Variants in NCKAP5 observed in about 807,000 individuals in gnomAD.
The protein encoded by NCKAP5 is nck-associated protein 5.
A neutral mutation model predicts 167.0 loss-of-function variants in NCKAP5; 92 were observed. The observed-to-expected ratio is 0.55, with a 90% confidence interval of 0.47 to 0.66. The LOEUF is 0.66. Ranked by LOEUF, NCKAP5 falls within the 30% of genes least tolerant of loss-of-function variation. The probability of loss-of-function intolerance (pLI) is 0.00; values close to 1 mark genes in which losing one functional copy is unlikely to be tolerated. For synonymous variants in NCKAP5, 891 were observed against 877.4 expected (o/e 1.02, Z -0.27); for missense variants, 2,378 against 2,315.0 (o/e 1.03, Z -0.56).
chr2:132,716,592 G>A (rs1689392932), intron 19 of NCKAP5, among the ~76,000 whole-genome samples: 1 of 151,882 alleles, frequency 6.6e-6, no homozygotes, highest in South Asian at 2.1e-4. Flanking sequence ...GGTAACACTG[G>A]GGGTTCGGTG....
rs547778191 is a variant in NCKAP5, at chr2:132,919,221, G to A, written c.580-40305C>T. On this transcript the variant is annotated intron_variant, in intron 8 of 19. Coordinates refer to ENST00000409261, the MANE Select transcript of NCKAP5 (RefSeq NM_207363.3). ...CAGCCTTCTTGGTCTGGGGGATGGA[G>A]AAGGGAAAGAAAAATGCACTTTCAG... Among the ~76,000 whole-genome samples the A allele has an allele frequency of 6.6e-5, 10 of 152,316 alleles. 1 individual carries two copies. In the East Asian group the frequency reaches 1.4e-3, roughly 21 times the overall value.
chr2:133,495,501 C>T (rs990968714), intron 3 of NCKAP5, among the ~76,000 whole-genome samples: 1 of 152,208 alleles, frequency 6.6e-6, no homozygotes, highest in African/African-American at 2.4e-5. Flanking sequence ...CAGCCATTAC[C>T]TCCCTCAAAC....
intron 19 of NCKAP5, among the ~76,000 whole-genome samples, chr2:132,712,637 GTGAGATT>G: frequency 1.3e-5 from 2 of 152,012 alleles, no homozygotes; most frequent in Non-Finnish European, 2.9e-5. Flanking sequence ...GGGCAACAGA[GTGAGATT>G]CTGTCTCAAA....
At position 132,782,783 on chromosome 2, in the gene NCKAP5, C is replaced by T; in HGVS notation, c.4028G>A (p.Gly1343Glu). The T allele has an allele frequency of 6.2e-7, 1 of 1,613,844 alleles. No individual in the cohort carries two copies. Among genetic ancestry groups the T allele is most frequent in the South Asian group, 1.1e-5 (1 of 91,066 alleles). The part of the protein sequence containing the change: ...ESLPSVGRPS[G>E]HPSSGKGSLG... The stretch of plus-strand genomic sequence containing the variant: ...GGAGCCCTTCCCGGAGGAGGGGTGC[C>T]CCGAGGGCCTCCCAACACTGGGGAG... The change falls in exon 14 of 20, where the codon GGG becomes GAG. Residue 1343 changes from glycine to glutamate, a missense_variant. This residue lies in a region of NCKAP5 where 1,325 missense variants were observed against 1,274.5 expected (regional missense o/e 1.04). Coordinates refer to ENST00000409261, the MANE Select transcript of NCKAP5 (RefSeq NM_207363.3).
chr2:133,180,876 A>C (rs191500004), intron 5 of NCKAP5, among the ~76,000 whole-genome samples: 280 of 152,306 alleles, frequency 1.8e-3, no homozygotes, highest in Middle Eastern at 6.8e-3. Context: ...AACAATGAAC[A>C]AAATTAAAAG....
At chr2:132,805,245 A>C (rs537504649) in intron 11 of NCKAP5, among the ~76,000 whole-genome samples, 4 of 152,268 alleles carry the variant, frequency 2.6e-5, no homozygotes, top group African/African-American at 7.2e-5. Flanking sequence ...TTGCAAGTGA[A>C]AAAACTGACA....
chr2:133,401,777 C>T (rs1420416942), intron 3 of NCKAP5, among the ~76,000 whole-genome samples: 1 of 152,202 alleles, frequency 6.6e-6, no homozygotes, highest in Admixed American at 6.5e-5. Context: ...AACCTGGGCT[C>T]TCATAATAAC....
At chr2:132,787,829 G>A (rs1386885649) in intron 13 of NCKAP5, among the ~76,000 whole-genome samples, 1 of 152,154 alleles carries the variant, frequency 6.6e-6, no homozygotes, top group Non-Finnish European at 1.5e-5. Flanking sequence ...GATCCTGATA[G>A]TCATGTTGAC....
chr2:132,811,317 G>C (rs766471721), intron 11 of NCKAP5, among the ~76,000 whole-genome samples: 37 of 152,122 alleles, frequency 2.4e-4, no homozygotes, highest in Admixed American at 4.6e-4. Context: ...CTGTGGGCGG[G>C]GCCCTAGAGC....
chr2:133,051,208 G>C (rs1186857488), intron 6 of NCKAP5, among the ~76,000 whole-genome samples: 1 of 152,106 alleles, frequency 6.6e-6, no homozygotes, highest in African/African-American at 2.4e-5. Context: ...AGAGACTACT[G>C]CTGATCTGGG....
At chr2:132,891,210 G>C (rs1056416283) in intron 8 of NCKAP5, among the ~76,000 whole-genome samples, 1 of 152,174 alleles carries the variant, frequency 6.6e-6, no homozygotes, top group African/African-American at 2.4e-5. Context: ...ACTTGAGTGT[G>C]CATTGGAATC....
intron 19 of NCKAP5, among the ~76,000 whole-genome samples, chr2:132,704,677 C>A (rs149117879): frequency 2.6e-5 from 4 of 152,188 alleles, no homozygotes; most frequent in African/African-American, 9.7e-5. Flanking sequence ...TTCGTGTCCA[C>A]ATTTCCATTC....
Position 132,796,720 on chromosome 2 carries a change from A to C in NCKAP5, c.817T>G (p.Ser273Ala). Residue 273 changes from serine (S) to alanine (A), a missense_variant, in exon 12 of 20, where the codon TCA (serine) becomes GCA (alanine). By Grantham distance (99) the Ser-to-Ala change is moderately conservative. Around this residue, in one of 3 missense-constraint regions of NCKAP5, gnomAD observed 1,049 missense variants for 1,023.4 expected, o/e 1.02. Transcript: ENST00000409261. ...CCAGATGAAAGATCCAAGAGACGTGAGTGAAGTTTCTAGGTAAAACCAAGC... is the reference window on the plus strand; with the variant it reads ...CCAGATGAAAGATCCAAGAGACGTGCGTGAAGTTTCTAGGTAAAACCAAGC... ...TSDLLLQKLH[S>A]RLLDLSSGDL... The C allele has an allele frequency of 6.2e-7, 1 of 1,610,632 alleles. No individual in the cohort carries two copies. Among genetic ancestry groups the C allele is most frequent in the Non-Finnish European group, 8.5e-7 (1 of 1,177,588 alleles).
chr2:133,623,399 A>G, the NCKAP5 span, among the ~76,000 whole-genome samples: 1 of 152,200 alleles, frequency 6.6e-6, no homozygotes, highest in Non-Finnish European at 1.5e-5. Flanking sequence ...CAATCTATAC[A>G]CCTGACAAAG....
chr2:133,446,850 A>C (rs1016995052), intron 3 of NCKAP5, among the ~76,000 whole-genome samples: 23 of 152,294 alleles, frequency 1.5e-4, no homozygotes, highest in Middle Eastern at 3.4e-3. Context: ...AAAGGGAGAA[A>C]GGATGAGAAA....
At chr2:132,699,851 G>A (rs1283145607) in intron 19 of NCKAP5, among the ~76,000 whole-genome samples, 1 of 152,172 alleles carries the variant, frequency 6.6e-6, no homozygotes, top group African/African-American at 2.4e-5. Context: ...ACCCAGTAAT[G>A]GGATGGCTGG....
chr2:133,516,623 G>C (rs955792927), intron 3 of NCKAP5, among the ~76,000 whole-genome samples: 4 of 152,270 alleles, frequency 2.6e-5, no homozygotes, highest in African/African-American at 9.6e-5. Context: ...AAGGTATAAC[G>C]GATAAATCAA....
intron 3 of NCKAP5, among the ~76,000 whole-genome samples, chr2:133,353,799 G>C (rs1275486723): frequency 6.6e-6 from 1 of 152,066 alleles, no homozygotes; most frequent in African/African-American, 2.4e-5. Flanking sequence ...CAAACTCCTG[G>C]GGAAGATCAT....
intron 4 of NCKAP5, among the ~76,000 whole-genome samples, chr2:133,258,568 AC>A (rs1277734935): frequency 3.3e-5 from 5 of 151,894 alleles, no homozygotes; most frequent in African/African-American, 1.2e-4. Flanking sequence ...ACATGGCAAA[AC>A]CCCGTCTCTA....
Sources: allele counts gnomAD v4.1 joint callset (sites outside exome capture counted in the v4.1 genomes callset), GRCh38; gene constraint gnomAD v4.1.1; regional missense constraint gnomAD v4.1.1; transcripts MANE v1.5; gene names NCBI Gene and HGNC (gene_info 2026-07-23, HGNC 2026-07-21).